The following TBC1D5 variants were observed in gnomAD, a reference collection of about 807,000 sequenced individuals.
TBC1D5 encodes TBC1 domain family member 5.
A neutral mutation model predicts 100.3 loss-of-function variants in TBC1D5; 75 were observed. The observed-to-expected ratio is 0.75, with a 90% confidence interval of 0.62 to 0.91. TBC1D5 has a LOEUF of 0.91. TBC1D5 is among the 40% of genes least tolerant of loss of function. The pLI, the probability that TBC1D5 is intolerant of heterozygous loss-of-function variation, is 0.00. For synonymous variants in TBC1D5, 323 were observed against 325.6 expected (o/e 0.99, Z 0.09); for missense variants, 910 against 942.4 (o/e 0.97, Z 0.45).
intron 18 of TBC1D5, among the ~76,000 whole-genome samples, chr3:17,200,055 G>GT (rs201744891): frequency 8.1e-6 from 1 of 123,992 alleles, no homozygotes; most frequent in African/African-American, 3.0e-5. Context: ...TTTCACAATT[G>GT]TTTTTCAAGT....
chr3:17,663,314 TTCC>T (rs2066857902), intron 1 of TBC1D5, among the ~76,000 whole-genome samples: 1 of 150,770 alleles, frequency 6.6e-6, no homozygotes, highest in African/African-American at 2.4e-5. Flanking sequence ...TAAAACCAAA[TTCC>T]TCAACTCACT....
chr3:17,347,682 G>A (rs769151790), intron 13 of TBC1D5, among the ~76,000 whole-genome samples: 1 of 151,944 alleles, frequency 6.6e-6, no homozygotes, highest in African/African-American at 2.4e-5. Context: ...GAAAGTCTGA[G>A]CTCGGAATTT....
intron 13 of TBC1D5, among the ~76,000 whole-genome samples, chr3:17,311,817 C>T (rs1319402276): frequency 6.6e-6 from 1 of 152,012 alleles, no homozygotes; most frequent in Non-Finnish European, 1.5e-5. Context: ...CTTGAGTAAC[C>T]TGTGATCACG....
intron 15 of TBC1D5, among the ~76,000 whole-genome samples, chr3:17,271,917 G>C (rs1325526253): frequency 7.2e-5 from 11 of 152,084 alleles, no homozygotes; most frequent in African/African-American, 2.7e-4. Flanking sequence ...ACGACCATCT[G>C]CAACCCAGTC....
intron 1 of TBC1D5, among the ~76,000 whole-genome samples, chr3:17,708,230 G>T (rs2074371910): frequency 6.6e-6 from 1 of 152,100 alleles, no homozygotes; most frequent in Non-Finnish European, 1.5e-5. Context: ...ATACCATACT[G>T]AAAGTACTTG....
intron 8 of TBC1D5, among the ~76,000 whole-genome samples, chr3:17,392,991 C>T (rs1047329338): frequency 2.0e-5 from 3 of 147,936 alleles, no homozygotes; most frequent in African/African-American, 5.2e-5. Context: ...AAAGCATTCC[C>T]GTTTCTCCAC....
intron 18 of TBC1D5, among the ~76,000 whole-genome samples, chr3:17,196,824 T>C (rs946063751): frequency 3.3e-5 from 5 of 152,204 alleles, no homozygotes; most frequent in African/African-American, 9.7e-5. Context: ...ATGAACTGTA[T>C]AGAGTCAGTT....
chr3:17,278,430 G>C (rs187856598), intron 15 of TBC1D5, among the ~76,000 whole-genome samples: 1 of 152,188 alleles, frequency 6.6e-6, no homozygotes, highest in Non-Finnish European at 1.5e-5. Flanking sequence ...TCCACTACTT[G>C]TACTAACCTA....
intron 1 of TBC1D5, among the ~76,000 whole-genome samples, chr3:17,676,878 T>C (rs1475774536): frequency 2.6e-5 from 4 of 152,058 alleles, no homozygotes; most frequent in South Asian, 2.1e-4. Flanking sequence ...CTTTGACAAA[T>C]CTGACACAAA....
At chr3:17,552,910 T>C (rs1326032156) in intron 2 of TBC1D5, among the ~76,000 whole-genome samples, 1 of 152,082 alleles carries the variant, frequency 6.6e-6, no homozygotes, top group African/African-American at 2.4e-5. Flanking sequence ...GCTAGAGAAA[T>C]AGTATATCCT....
chr3:17,563,338 C>A (rs964558316), intron 2 of TBC1D5, among the ~76,000 whole-genome samples: 5 of 152,088 alleles, frequency 3.3e-5, no homozygotes, highest in Admixed American at 3.3e-4. Flanking sequence ...GGGAGTCTTG[C>A]ATACAAAGTG....
intron 13 of TBC1D5, among the ~76,000 whole-genome samples, chr3:17,351,902 C>A (rs1168817630): frequency 6.7e-6 from 1 of 150,198 alleles, no homozygotes; most frequent in East Asian, 1.9e-4. Context: ...ATGGTAAGGG[C>A]ATTTTCTCCT....
At chr3:17,344,657 C>T (rs2089588044) in intron 13 of TBC1D5, among the ~76,000 whole-genome samples, 1 of 152,216 alleles carries the variant, frequency 6.6e-6, no homozygotes, top group African/African-American at 2.4e-5. Context: ...TGCTACCTGA[C>T]TTCAAACTAT....
chr3:17,225,439 C>CAAAAAAA (rs35631452), intron 17 of TBC1D5, among the ~76,000 whole-genome samples: 1 of 88,310 alleles, frequency 1.1e-5, no homozygotes, highest in Non-Finnish European at 2.2e-5. Context: ...GACTCGGTCT[C>CAAAAAAA]AAAAAAAAAA....
chr3:17,423,311 G>A (rs981976866), intron 4 of TBC1D5, among the ~76,000 whole-genome samples: 2 of 151,948 alleles, frequency 1.3e-5, no homozygotes, highest in African/African-American at 4.8e-5. Flanking sequence ...AAGTATGACT[G>A]TTTTATTTAA....
chr3:17,425,459 T>A (rs2094313883), intron 4 of TBC1D5, among the ~76,000 whole-genome samples: 1 of 152,150 alleles, frequency 6.6e-6, no homozygotes, highest in Non-Finnish European at 1.5e-5. Flanking sequence ...AAACCCCATC[T>A]CTACAAAAAA....
At chr3:17,479,819 C>T (rs139913183) in intron 3 of TBC1D5, among the ~76,000 whole-genome samples, 29 of 152,272 alleles carry the variant, frequency 1.9e-4, no homozygotes, top group African/African-American at 6.5e-4. Flanking sequence ...GTGGGGGAGG[C>T]GCTAGCTGGG....
intron 2 of TBC1D5, among the ~76,000 whole-genome samples, chr3:17,548,479 G>A (rs551264252): frequency 2.0e-5 from 3 of 151,682 alleles, no homozygotes; most frequent in Non-Finnish European, 4.4e-5. Context: ...TACAGGGCGG[G>A]GGAAAAAAAA....
chr3:17,431,347 T>C (rs1023624753), intron 3 of TBC1D5, among the ~76,000 whole-genome samples: 1 of 152,040 alleles, frequency 6.6e-6, no homozygotes, highest in Non-Finnish European at 1.5e-5. Flanking sequence ...TTTAAGATAA[T>C]AGGCTTCCTC....
Sources: allele counts gnomAD v4.1 joint callset (sites outside exome capture counted in the v4.1 genomes callset), GRCh38; gene constraint gnomAD v4.1.1; transcripts MANE v1.5; gene names NCBI Gene and HGNC (gene_info 2026-07-23, HGNC 2026-07-21).